DOCK4: variants seen among roughly 807,000 people sequenced by gnomAD.
DOCK4 encodes the protein dedicator of cytokinesis protein 4.
A neutral mutation model predicts 268.1 loss-of-function variants in DOCK4; 97 were observed. That is an observed-to-expected ratio of 0.36 (90% CI 0.31 to 0.43). The LOEUF (loss-of-function observed/expected upper bound fraction) is 0.43. Among genes scored for constraint, DOCK4 ranks in the 20% least tolerant of loss-of-function variants. DOCK4 has a pLI of 1.00. For missense variants in DOCK4, 2,145 were observed against 2,455.7 expected (o/e 0.87, Z 2.67); for synonymous variants, 954 against 887.2 (o/e 1.08, Z -1.34).
In DOCK4 at chr7:111,783,920, C is replaced by T. The variant is rs772113804; in HGVS notation, c.3461G>A (p.Arg1154Gln). 4.4e-6 allele frequency: 7 copies of T among 1,606,784 alleles called. No individual in the cohort carries two copies. Among genetic ancestry groups the T allele is most frequent in the South Asian group, 2.2e-5 (2 of 89,514 alleles). Residue 1154 changes from arginine (R) to glutamine (Q), a missense_variant, in exon 34 of 53, where the codon CGG becomes CAG. Physicochemically the swap from Arg to Gln is conservative, Grantham distance 43. Transcript: ENST00000428084. ...LLKKIERETW[R>Q]ESGVSLIATV... Reference sequence around the variant, plus strand: ...AGCAATTAATGAAACGCCACTTTCCCGCCATGTTTCCCGCTCAATTTTCTT... The same window carrying T: ...AGCAATTAATGAAACGCCACTTTCCTGCCATGTTTCCCGCTCAATTTTCTT...
intron 1 of DOCK4, among the ~76,000 whole-genome samples, chr7:112,080,969 TCAA>T (rs1808526668): frequency 6.6e-6 from 1 of 152,112 alleles, no homozygotes; most frequent in Non-Finnish European, 1.5e-5. Flanking sequence ...TTCCATCTGC[TCAA>T]CAATATAAAA....
At chr7:111,763,980 G>A (rs908341016) in intron 39 of DOCK4, among the ~76,000 whole-genome samples, 6 of 152,124 alleles carry the variant, frequency 3.9e-5, no homozygotes, top group African/African-American at 1.4e-4. Flanking sequence ...GTGCCACTGT[G>A]CCCACTTGCT....
chr7:112,200,636 G>C (rs1302417048), intron 1 of DOCK4, among the ~76,000 whole-genome samples: 1 of 145,348 alleles, frequency 6.9e-6, no homozygotes, highest in Non-Finnish European at 1.5e-5. Context: ...TCTCCTTTTG[G>C]AAAAGAATAG....
chr7:112,075,041 G>T (rs1283353881), intron 1 of DOCK4, among the ~76,000 whole-genome samples: 7 of 152,120 alleles, frequency 4.6e-5, no homozygotes, highest in Admixed American at 4.6e-4. Context: ...TTATATTGAT[G>T]TATCTCTGTT....
At chr7:111,836,072 A>C (rs897069399) in intron 25 of DOCK4, among the ~76,000 whole-genome samples, 2 of 152,198 alleles carry the variant, frequency 1.3e-5, no homozygotes, top group African/African-American at 4.8e-5. Context: ...AAAAAGTTTA[A>C]AGGCAATATT....
At chr7:111,882,884 C>T (rs1023154593) in intron 16 of DOCK4, among the ~76,000 whole-genome samples, 4 of 152,156 alleles carry the variant, frequency 2.6e-5, no homozygotes, top group Admixed American at 6.5e-5. Flanking sequence ...GCTGGGATTA[C>T]AGGCGTGAGC....
chr7:112,082,535 C>T (rs550120447), intron 1 of DOCK4, among the ~76,000 whole-genome samples: 61 of 152,276 alleles, frequency 4.0e-4, no homozygotes, highest in Admixed American at 2.6e-4. Flanking sequence ...AAATAAATTT[C>T]GTAATTGTTG....
intron 1 of DOCK4, among the ~76,000 whole-genome samples, chr7:112,008,279 A>G (rs1043059134): frequency 1.3e-5 from 2 of 152,194 alleles, no homozygotes; most frequent in African/African-American, 4.8e-5. Flanking sequence ...ATTTACTTGG[A>G]TTAATAAACC....
intron 12 of DOCK4, among the ~76,000 whole-genome samples, chr7:111,918,632 T>G (rs1003455854): frequency 1.3e-5 from 2 of 152,198 alleles, no homozygotes; most frequent in Non-Finnish European, 2.9e-5. Context: ...CCCCACCTAA[T>G]CATGGGTGTC....
intron 44 of DOCK4, among the ~76,000 whole-genome samples, chr7:111,744,299 C>T (rs1469408933): frequency 6.6e-6 from 1 of 152,176 alleles, no homozygotes; most frequent in African/African-American, 2.4e-5. Flanking sequence ...CTGGAAGGAG[C>T]ACTGGGGTGG....
chr7:111,961,456 G>A (rs1796888411), intron 8 of DOCK4, among the ~76,000 whole-genome samples: 1 of 152,140 alleles, frequency 6.6e-6, no homozygotes, highest in Admixed American at 6.5e-5. Context: ...CTAGTGAATG[G>A]GTAGAGGTGA....
At chr7:112,131,870 A>T (rs897914760) in intron 1 of DOCK4, among the ~76,000 whole-genome samples, 3 of 152,096 alleles carry the variant, frequency 2.0e-5, no homozygotes, top group African/African-American at 7.2e-5. Flanking sequence ...GTATGGGGGG[A>T]GGAGGAGATG....
At chr7:111,743,649 T>G (rs761111418) in intron 44 of DOCK4, among the ~76,000 whole-genome samples, 9 of 152,116 alleles carry the variant, frequency 5.9e-5, no homozygotes, top group Non-Finnish European at 1.2e-4. Flanking sequence ...CTCTGGGAAG[T>G]AGACTCCAGC....
At chr7:112,033,768 C>T (rs1476819780) in intron 1 of DOCK4, among the ~76,000 whole-genome samples, 2 of 152,126 alleles carry the variant, frequency 1.3e-5, no homozygotes, top group Non-Finnish European at 1.5e-5. Flanking sequence ...GAAATCTGAG[C>T]CACTACATTC....
At chr7:111,998,208 T>C (rs1033497287) in intron 4 of DOCK4, among the ~76,000 whole-genome samples, 5 of 152,216 alleles carry the variant, frequency 3.3e-5, no homozygotes, top group African/African-American at 1.2e-4. Context: ...GCTGATTCCC[T>C]GATTTGTGGA....
In DOCK4 at chr7:112,185,250, G is replaced by A. The variant is rs114200740; in HGVS notation, c.37+20852C>T. ...GCTGGTGACTGCCTGGCAGGAGCTC[G>A]TTTGATCCACTACTTGGTATGGACT... On this transcript the variant is annotated intron_variant, in intron 1 of 52. Coordinates refer to ENST00000428084, the MANE Select transcript of DOCK4 (RefSeq NM_001363540.2). 5.2e-3 allele frequency among the ~76,000 whole-genome samples: 793 copies of A among 152,270 alleles called. 8 individuals are homozygous for A. Among genetic ancestry groups the A allele is most frequent in the African/African-American group, 0.018 (733 of 41,552 alleles).
chr7:111,873,673 A>C (rs538494843), intron 17 of DOCK4, among the ~76,000 whole-genome samples: 1 of 152,216 alleles, frequency 6.6e-6, no homozygotes. Context: ...AAAGAAAAAG[A>C]GAATATAGAG....
chr7:112,008,437 A>G (rs1019655480), intron 1 of DOCK4, among the ~76,000 whole-genome samples: 2 of 152,208 alleles, frequency 1.3e-5, no homozygotes, highest in African/African-American at 4.8e-5. Context: ...CCTTTATATA[A>G]TGATATCAGT....
chr7:111,945,482 C>G (rs533084650), intron 9 of DOCK4, among the ~76,000 whole-genome samples: 1 of 152,090 alleles, frequency 6.6e-6, no homozygotes, highest in Non-Finnish European at 1.5e-5. Flanking sequence ...CACCGTGCCC[C>G]GCAATCACTG....
Sources: gnomAD v4.1 joint callset for allele counts (sites outside exome capture counted in the v4.1 genomes callset) on GRCh38, gnomAD v4.1.1 for gene constraint, MANE v1.5 for transcripts, NCBI Gene and HGNC (gene_info 2026-07-23, HGNC 2026-07-21) for gene names.